Variants in TAFA1 observed in about 807,000 individuals in gnomAD.
The protein encoded by TAFA1 is chemokine-like protein TAFA-1.
TAFA1 carries 4 observed loss-of-function variants against 18.5 expected under a neutral mutation model. The observed-to-expected ratio is 0.22, with a 90% CI of 0.11 to 0.49. TAFA1 has a LOEUF of 0.49. TAFA1 is among the 20% of genes least tolerant of loss of function. TAFA1 has a pLI of 0.98. For synonymous variants in TAFA1, 56 were observed against 55.2 expected (o/e 1.01, Z -0.06); for missense variants, 147 against 169.0 (o/e 0.87, Z 0.72).
chr3:68,422,392 TTTGTCCTA>T (rs2070972671), intron 3 of TAFA1, among the ~76,000 whole-genome samples: 1 of 152,088 alleles, frequency 6.6e-6, no homozygotes, highest in East Asian at 1.9e-4. Context: ...ATACACCACG[TTTGTCCTA>T]AACATATTCT....
the TAFA1 span, among the ~76,000 whole-genome samples, chr3:67,994,624 T>C: frequency 3.5e-4 from 53 of 152,326 alleles, 1 homozygote; most frequent in African/African-American, 1.3e-3. Context: ...TTTACTCTTC[T>C]TTCCAGGGTG....
intron 3 of TAFA1, among the ~76,000 whole-genome samples, chr3:68,506,831 CAT>C (rs2072766710): frequency 1.4e-4 from 1 of 7,116 alleles, no homozygotes; most frequent in Non-Finnish European, 2.5e-4. Context: ...TATACCCTTT[CAT>C]TTCATTTCAT....
At chr3:68,448,605 T>A (rs1176416956) in intron 3 of TAFA1, among the ~76,000 whole-genome samples, 6 of 151,732 alleles carry the variant, frequency 4.0e-5, no homozygotes, top group Non-Finnish European at 8.8e-5. Context: ...AGGAAAGAGG[T>A]GATTTTTTTT....
chr3:68,461,360 C>CATATATATATATATATACATATATATAT (rs2071775062), intron 3 of TAFA1, among the ~76,000 whole-genome samples: 1 of 106,624 alleles, frequency 9.4e-6, no homozygotes, highest in African/African-American at 4.1e-5. Context: ...AATGAAAGTG[C>CATATATATATATATATACATATATATAT]ATATATATAT....
chr3:68,316,495 T>C (rs1256214713), intron 2 of TAFA1, among the ~76,000 whole-genome samples: 1 of 152,232 alleles, frequency 6.6e-6, no homozygotes, highest in South Asian at 2.1e-4. Flanking sequence ...TGTTCTGCCT[T>C]TTAGGTGCTA....
chr3:68,082,154 G>T (rs2064911261), intron 2 of TAFA1, among the ~76,000 whole-genome samples: 1 of 151,422 alleles, frequency 6.6e-6, no homozygotes, highest in South Asian at 2.1e-4. Flanking sequence ...GTGAGGCAGT[G>T]CCTCACCCTG....
chr3:68,412,615 G>A (rs1295982273), intron 2 of TAFA1, among the ~76,000 whole-genome samples: 1 of 152,128 alleles, frequency 6.6e-6, no homozygotes, highest in Non-Finnish European at 1.5e-5. Flanking sequence ...CTATGAGTGA[G>A]AACATGCTGT....
chr3:68,337,834 C>A (rs1484361754), intron 2 of TAFA1, among the ~76,000 whole-genome samples: 1 of 152,174 alleles, frequency 6.6e-6, no homozygotes, highest in Admixed American at 6.5e-5. Context: ...TCCACCTAAA[C>A]TTCACATTCT....
intron 2 of TAFA1, among the ~76,000 whole-genome samples, chr3:68,113,373 C>G (rs2065282999): frequency 6.6e-6 from 1 of 152,124 alleles, no homozygotes; most frequent in Non-Finnish European, 1.5e-5. Flanking sequence ...ATGGAAAAAG[C>G]AAACTGCACA....
chr3:68,370,361 CACACACAT>C (rs2069665028), intron 2 of TAFA1, among the ~76,000 whole-genome samples: 1 of 57,106 alleles, frequency 1.8e-5, no homozygotes, highest in Non-Finnish European at 3.4e-5. Context: ...TATACACACA[CACACACAT>C]ATATATATAC....
chr3:68,336,443 A>G (rs1203885843), intron 2 of TAFA1, among the ~76,000 whole-genome samples: 2 of 152,258 alleles, frequency 1.3e-5, no homozygotes, highest in Admixed American at 6.5e-5. Context: ...ATTTTTAAAG[A>G]AAATCCAGAA....
chr3:68,065,890 A>G (rs150498213), intron 2 of TAFA1, among the ~76,000 whole-genome samples: 1 of 152,096 alleles, frequency 6.6e-6, no homozygotes, highest in African/African-American at 2.4e-5. Context: ...ATTGTGATAT[A>G]TCCATACAAT....
At chr3:68,287,921 G>GCC (rs2068042624) in intron 2 of TAFA1, among the ~76,000 whole-genome samples, 1 of 95,232 alleles carries the variant, frequency 1.1e-5, no homozygotes, top group South Asian at 3.6e-4. Context: ...GGGTGGGGGG[G>GCC]CTTTTTGAAA....
At chr3:68,525,401 C>G (rs1242342970) in intron 3 of TAFA1, among the ~76,000 whole-genome samples, 1 of 152,150 alleles carries the variant, frequency 6.6e-6, no homozygotes, top group Non-Finnish European at 1.5e-5. Flanking sequence ...TTATATAGTT[C>G]AGTCTGCCTA....
intron 2 of TAFA1, among the ~76,000 whole-genome samples, chr3:68,380,546 T>C (rs1362241180): frequency 3.3e-5 from 5 of 152,236 alleles, no homozygotes; most frequent in Admixed American, 6.5e-5. Context: ...TCATGTGTTT[T>C]TTTGGCTGCA....
At chr3:68,126,666 C>G (rs1374453826) in intron 2 of TAFA1, among the ~76,000 whole-genome samples, 1 of 152,206 alleles carries the variant, frequency 6.6e-6, no homozygotes, top group Non-Finnish European at 1.5e-5. Context: ...CAAGAGGGAG[C>G]TTATGGAAAG....
chr3:68,235,758 T>A (rs1267416381), intron 2 of TAFA1, among the ~76,000 whole-genome samples: 1 of 152,132 alleles, frequency 6.6e-6, no homozygotes, highest in Non-Finnish European at 1.5e-5. Context: ...AAAAAGAAAC[T>A]GTCTTTTTGC....
chr3:68,323,618 A>G (rs1054231458), intron 2 of TAFA1, among the ~76,000 whole-genome samples: 1 of 152,184 alleles, frequency 6.6e-6, no homozygotes, highest in Non-Finnish European at 1.5e-5. Flanking sequence ...TTTTAAGCTG[A>G]AAGGGGAGGA....
chr3:68,256,257 T>G (rs2067295977), intron 2 of TAFA1, among the ~76,000 whole-genome samples: 1 of 152,070 alleles, frequency 6.6e-6, no homozygotes, highest in Admixed American at 6.6e-5. Flanking sequence ...TAAATACACT[T>G]CCTCACCTCA....
Sources: allele counts gnomAD v4.1 joint callset (sites outside exome capture counted in the v4.1 genomes callset), GRCh38; gene constraint gnomAD v4.1.1; transcripts MANE v1.5; gene names NCBI Gene and HGNC (gene_info 2026-07-23, HGNC 2026-07-21).